The following DPP10 variants were observed in gnomAD, a reference collection of about 807,000 sequenced individuals.
DPP10 encodes the protein dipeptidyl peptidase like 10, also known as inactive dipeptidyl peptidase 10.
DPP10 carries 33 observed loss-of-function variants against 120.9 expected under a neutral mutation model. The observed-to-expected ratio is 0.27, with a 90% CI of 0.21 to 0.37. The LOEUF (loss-of-function observed/expected upper bound fraction) is 0.37, where lower values mean the gene tolerates loss of function less well. Ranked by LOEUF, DPP10 falls within the 10% of genes least tolerant of loss-of-function variation. The pLI is 1.00. For missense variants in DPP10, 816 were observed against 942.8 expected (o/e 0.87, Z 1.76); for synonymous variants, 337 against 326.1 (o/e 1.03, Z -0.36).
intron 1 of DPP10, among the ~76,000 whole-genome samples, chr2:114,998,118 C>CAT (rs1229244547): frequency 6.6e-6 from 1 of 151,746 alleles, no homozygotes; most frequent in Non-Finnish European, 1.5e-5. Flanking sequence ...CACTTATTTG[C>CAT]ACATAAGTAC....
intron 1 of DPP10, among the ~76,000 whole-genome samples, chr2:114,712,274 C>T (rs1701078014): frequency 2.6e-5 from 4 of 152,164 alleles, no homozygotes; most frequent in Admixed American, 2.0e-4. Flanking sequence ...GAGCCGAGAT[C>T]ATGCCACTGC....
At chr2:115,522,613 A>G (rs1450493186) in intron 4 of DPP10, among the ~76,000 whole-genome samples, 1 of 152,148 alleles carries the variant, frequency 6.6e-6, no homozygotes, top group Admixed American at 6.5e-5. Context: ...TCTGTTTATC[A>G]TATCTTGCTT....
At chr2:115,150,210 C>T (rs1158476481) in intron 1 of DPP10, among the ~76,000 whole-genome samples, 3 of 152,274 alleles carry the variant, frequency 2.0e-5, no homozygotes, top group South Asian at 2.1e-4. Context: ...GTATCTCTGC[C>T]GCCTGCACTC....
chr2:115,441,436 GA>G (rs1413620697), intron 3 of DPP10, among the ~76,000 whole-genome samples: 1 of 152,124 alleles, frequency 6.6e-6, no homozygotes, highest in Non-Finnish European at 1.5e-5. Flanking sequence ...CTTTTTATGT[GA>G]CCTAGAATCA....
chr2:114,899,532 C>T (rs1224515148), intron 1 of DPP10, among the ~76,000 whole-genome samples: 4 of 152,138 alleles, frequency 2.6e-5, no homozygotes, highest in African/African-American at 4.8e-5. Context: ...TTTCATTATA[C>T]TTTTACCACC....
At chr2:115,836,056 A>C (rs1327428381) in intron 21 of DPP10, 101 bp from the exon 22 acceptor site, 2 of 603,600 alleles carry the variant, frequency 3.3e-6, no homozygotes, top group East Asian at 3.6e-5. Flanking sequence ...AAAGCTAAAA[A>C]TGTCTCCAGG....
intron 1 of DPP10, among the ~76,000 whole-genome samples, chr2:114,537,502 C>T (rs1266729365): frequency 2.7e-5 from 4 of 148,710 alleles, no homozygotes; most frequent in Admixed American, 2.7e-4. Flanking sequence ...AGAAGGGAGA[C>T]TTTTTTTTTT....
chr2:115,169,493 GATT>G lies in DPP10; in HGVS notation c.61-139740_61-139738del, dbSNP rs1241916092. 2.0e-5 allele frequency among the ~76,000 whole-genome samples: 3 copies of G among 152,060 alleles called. No homozygotes were observed. The East Asian group carries it at 5.8e-4, about 29-fold the overall frequency. On this transcript the variant is annotated intron_variant, in intron 1 of 25. Transcript: ENST00000410059. ...AAATGCTATGGATCTTTTATAGGTAGATTATTATAGGGCGTTAGATGAAAATGA... is the reference window on the plus strand; with the variant it reads ...AAATGCTATGGATCTTTTATAGGTAGATTATAGGGCGTTAGATGAAAATGA...
At chr2:115,374,723 C>A (rs1347753645) in intron 3 of DPP10, among the ~76,000 whole-genome samples, 1 of 152,216 alleles carries the variant, frequency 6.6e-6, no homozygotes, top group South Asian at 2.1e-4. Flanking sequence ...TTCTGCACAC[C>A]TGCAGGCCCA....
At chr2:114,892,197 A>G (rs1692596620) in intron 1 of DPP10, among the ~76,000 whole-genome samples, 1 of 152,202 alleles carries the variant, frequency 6.6e-6, no homozygotes, top group African/African-American at 2.4e-5. Flanking sequence ...GTTAAGTACT[A>G]TAGACTACAC....
chr2:115,354,549 G>A (rs1176216894), intron 3 of DPP10, among the ~76,000 whole-genome samples: 1 of 151,874 alleles, frequency 6.6e-6, no homozygotes, highest in Non-Finnish European at 1.5e-5. Context: ...TGGCTGCATA[G>A]TATTCCATGG....
chr2:114,968,607 G>A (rs1291916998), intron 1 of DPP10, among the ~76,000 whole-genome samples: 1 of 152,080 alleles, frequency 6.6e-6, no homozygotes, highest in Non-Finnish European at 1.5e-5. Context: ...TTTATTATAT[G>A]TTATACACAT....
chr2:114,500,314 C>A lies in DPP10; in HGVS notation c.60+57476C>A, dbSNP rs556708075. Among the ~76,000 whole-genome samples the A allele has an allele frequency of 3.3e-5, 5 of 152,216 alleles. No homozygotes were observed. The South Asian group carries it at 1.0e-3, about 32-fold the overall frequency. On this transcript the variant is annotated intron_variant, in intron 1 of 25. Transcript: ENST00000410059. ...TGAACAAATCCCAGAAGAGAATTTG[C>A]GGAATTAGGTCTACATGTAATACAC...
intron 1 of DPP10, among the ~76,000 whole-genome samples, chr2:115,146,932 T>C (rs888530359): frequency 1.3e-5 from 2 of 152,138 alleles, no homozygotes; most frequent in South Asian, 4.1e-4. Context: ...TGTAGAACTG[T>C]GAGAAATCAT....
intron 2 of DPP10, among the ~76,000 whole-genome samples, chr2:115,323,586 T>C (rs748514850): frequency 1.3e-5 from 2 of 152,206 alleles, no homozygotes; most frequent in Non-Finnish European, 2.9e-5. Flanking sequence ...TTCAGAAGAA[T>C]CAGTATCTAT....
At chr2:115,062,108 G>A (rs1004434620) in intron 1 of DPP10, among the ~76,000 whole-genome samples, 3 of 147,274 alleles carry the variant, frequency 2.0e-5, no homozygotes, top group South Asian at 4.4e-4. Flanking sequence ...AAACTGTATT[G>A]TTGTTTTAAG....
chr2:115,832,190 A>C (rs1688995301), intron 21 of DPP10, among the ~76,000 whole-genome samples: 1 of 152,194 alleles, frequency 6.6e-6, no homozygotes, highest in Non-Finnish European at 1.5e-5. Context: ...CGAGCCATTA[A>C]AATTTAACTT....
At position 114,738,672 on chromosome 2, in the gene DPP10, G is replaced by T. The variant is rs575679879; in HGVS notation, c.60+295834G>T. 5.3e-5 allele frequency among the ~76,000 whole-genome samples: 8 copies of T among 152,238 alleles called. No homozygotes were observed. The South Asian group carries it at 8.3e-4, about 16-fold the overall frequency. On this transcript the variant is annotated intron_variant, in intron 1 of 25. Coordinates refer to ENST00000410059, the MANE Select transcript of DPP10 (RefSeq NM_020868.6). ...GTTTCCTTATCTGTAAAACAAGGGGGCTAGAAATATGGGGTAGAACATTTG... is the reference window on the plus strand; with the variant it reads ...GTTTCCTTATCTGTAAAACAAGGGGTCTAGAAATATGGGGTAGAACATTTG...
chr2:114,690,320 C>A (rs552977630), intron 1 of DPP10, among the ~76,000 whole-genome samples: 2 of 152,170 alleles, frequency 1.3e-5, no homozygotes, highest in African/African-American at 4.8e-5. Context: ...GCACTCCCAG[C>A]ACCATTGATT....
Sources: gnomAD v4.1 joint callset for allele counts (sites outside exome capture counted in the v4.1 genomes callset) on GRCh38, gnomAD v4.1.1 for gene constraint, MANE v1.5 for transcripts, NCBI Gene and HGNC (gene_info 2026-07-23, HGNC 2026-07-21) for gene names.